CDH20: variants seen among roughly 807,000 people sequenced by gnomAD.
The protein encoded by CDH20 is cadherin-20.
A neutral mutation model predicts 74.2 loss-of-function variants in CDH20; 29 were observed. That is an observed-to-expected ratio of 0.39 (90% CI 0.29 to 0.53). The LOEUF (loss-of-function observed/expected upper bound fraction) is 0.53. Ranked by LOEUF, CDH20 falls within the 20% of genes least tolerant of loss-of-function variation. The probability of loss-of-function intolerance (pLI) is 0.69; values close to 1 mark genes in which losing one functional copy is unlikely to be tolerated. For missense variants in CDH20, 988 were observed against 1,048.3 expected (o/e 0.94, Z 0.79); for synonymous variants, 469 against 405.4 (o/e 1.16, Z -1.88).
chr18:61,349,848 G>A (rs1053636509), intron 1 of CDH20, among the ~76,000 whole-genome samples: 1 of 151,766 alleles, frequency 6.6e-6, no homozygotes, highest in Non-Finnish European at 1.5e-5. Flanking sequence ...CATGTAATTC[G>A]GCTTATATTT....
intron 1 of CDH20, among the ~76,000 whole-genome samples, chr18:61,428,454 A>G (rs560304276): frequency 2.0e-5 from 3 of 152,294 alleles, no homozygotes; most frequent in Admixed American, 1.3e-4. Context: ...CGGCTCCTGC[A>G]GTGCAAAAGC....
intron 1 of CDH20, among the ~76,000 whole-genome samples, chr18:61,357,735 T>C (rs1055308849): frequency 6.6e-6 from 1 of 151,862 alleles, no homozygotes; most frequent in Non-Finnish European, 1.5e-5. Context: ...CAAAATCAAC[T>C]GTTTGTTTTT....
At chr18:61,463,035 G>C (rs1365382213) in intron 1 of CDH20, among the ~76,000 whole-genome samples, 1 of 152,154 alleles carries the variant, frequency 6.6e-6, no homozygotes, top group African/African-American at 2.4e-5. Flanking sequence ...TCTTGTTATT[G>C]CAATTGTGTG....
At chr18:61,459,684 C>G (rs1407274799) in intron 1 of CDH20, among the ~76,000 whole-genome samples, 1 of 152,166 alleles carries the variant, frequency 6.6e-6, no homozygotes, top group African/African-American at 2.4e-5. Flanking sequence ...TCAGAAAAAT[C>G]TGCAGGCTGA....
At position 61,399,067 on chromosome 18, in the gene CDH20, T is replaced by C. The variant is rs1171978957; in HGVS notation, c.-153+65240T>C. ...CTGTTCATACAGTACATTTGAAGTT[T>C]AGTCAAGGCATGGAAAATATGAAAC... On this transcript the variant is annotated intron_variant, in intron 1 of 11. Transcript: ENST00000262717. Among the ~76,000 whole-genome samples the C allele has an allele frequency of 4.6e-5, 7 of 152,336 alleles. No homozygotes were observed. The East Asian group carries it at 1.4e-3, about 29-fold the overall frequency.
intron 1 of CDH20, among the ~76,000 whole-genome samples, chr18:61,397,933 G>A (rs185360389): frequency 1.1e-4 from 17 of 152,282 alleles, no homozygotes; most frequent in African/African-American, 2.6e-4. Context: ...TGCAGAAAAC[G>A]TTTTTGTTGA....
chr18:61,401,407 T>C (rs1327843267), intron 1 of CDH20, among the ~76,000 whole-genome samples: 2 of 152,204 alleles, frequency 1.3e-5, no homozygotes, highest in East Asian at 3.9e-4. Context: ...TTTGTTGTTG[T>C]TGCTGTTGTT....
intron 1 of CDH20, among the ~76,000 whole-genome samples, chr18:61,343,199 AC>A: frequency 6.6e-6 from 1 of 152,174 alleles, no homozygotes; most frequent in East Asian, 1.9e-4. Context: ...TGGTTACCCT[AC>A]TGCAGGTTCC....
chr18:61,374,679 A>G (rs1444456794), intron 1 of CDH20, among the ~76,000 whole-genome samples: 1 of 152,068 alleles, frequency 6.6e-6, no homozygotes, highest in African/African-American at 2.4e-5. Flanking sequence ...CAGAGTTTTT[A>G]GATTCTTATG....
At chr18:61,526,462 A>G (rs1360431281) in intron 6 of CDH20, among the ~76,000 whole-genome samples, 2 of 152,278 alleles carry the variant, frequency 1.3e-5, no homozygotes, top group Non-Finnish European at 1.5e-5. Context: ...TTTATGAAAA[A>G]AGTGATGTTT....
At chr18:61,439,487 T>C (rs1056295428) in intron 1 of CDH20, among the ~76,000 whole-genome samples, 7 of 152,168 alleles carry the variant, frequency 4.6e-5, no homozygotes, top group Non-Finnish European at 1.0e-4. Flanking sequence ...AAGATTCCAA[T>C]ATACCATAAA....
chr18:61,429,889 T>C (rs1358467444), intron 1 of CDH20, among the ~76,000 whole-genome samples: 4 of 152,210 alleles, frequency 2.6e-5, no homozygotes, highest in Admixed American at 2.0e-4. Flanking sequence ...TATGTTCCTT[T>C]GTAGTGGGTA....
intron 1 of CDH20, among the ~76,000 whole-genome samples, chr18:61,368,046 A>G (rs1026884036): frequency 6.6e-6 from 1 of 152,168 alleles, no homozygotes; most frequent in African/African-American, 2.4e-5. Flanking sequence ...AAATAAGGTC[A>G]CACTCTGAAG....
chr18:61,517,029 T>C (rs1295787041), intron 6 of CDH20, among the ~76,000 whole-genome samples: 1 of 152,162 alleles, frequency 6.6e-6, no homozygotes, highest in Non-Finnish European at 1.5e-5. Flanking sequence ...TTTCAACAGA[T>C]GCTGGAACAA....
rs1568163889 is a variant in CDH20, at chr18:61,496,080, C to CTCTCTCCTCCCTTCCTCTCTCCT, written c.247-3086_247-3064dup. ...CCTCTCTCCTCCCTTCCTCTCCCCCCTCTCTCCTCCCTTCCTCTCTCCTTC... is the reference window on the plus strand; with the variant it reads ...CCTCTCTCCTCCCTTCCTCTCCCCCCTCTCTCCTCCCTTCCTCTCTCCTTCTCTCCTCCCTTCCTCTCTCCTTC... On this transcript the variant is annotated intron_variant, in intron 2 of 11. Transcript: ENST00000262717. 7.8e-3 allele frequency among the ~76,000 whole-genome samples: 98 copies of CTCTCTCCTCCCTTCCTCTCTCCT among 12,570 alleles called. 4 individuals are homozygous for CTCTCTCCTCCCTTCCTCTCTCCT. Among genetic ancestry groups the CTCTCTCCTCCCTTCCTCTCTCCT allele is most frequent in the Non-Finnish European group, 0.014 (69 of 5,046 alleles). The allele number at this position is 12,570 out of a possible 152,430, so 8.2% of individuals were successfully genotyped here. A position where few individuals can be genotyped will look rare whatever the true frequency, so the allele number is the denominator to read the frequency against.
At chr18:61,465,017 C>A (rs1164074086) in intron 1 of CDH20, among the ~76,000 whole-genome samples, 1 of 152,238 alleles carries the variant, frequency 6.6e-6, no homozygotes, top group African/African-American at 2.4e-5. Context: ...ACACTATCCA[C>A]AAATGGAATC....
intron 1 of CDH20, among the ~76,000 whole-genome samples, chr18:61,362,456 C>T (rs1054957721): frequency 2.6e-5 from 4 of 152,090 alleles, no homozygotes; most frequent in African/African-American, 9.7e-5. Context: ...CCGTGATGCA[C>T]CAAGGGCTCT....
rs1304974556 is a variant in CDH20, at chr18:61,353,591, A to C, written c.-153+19764A>C. On this transcript the variant is annotated intron_variant, in intron 1 of 11. Coordinates refer to ENST00000262717, the MANE Select transcript of CDH20 (RefSeq NM_031891.4). The surrounding 1 kb of genome is among the most constrained non-coding windows in gnomAD (Gnocchi z 4.6). ...TATCACAGTGCTTTGCACATATTTT[A>C]GTGTTTGTTAAGATTTTGTTCAGTT... 1.3e-5 allele frequency among the ~76,000 whole-genome samples: 2 copies of C among 152,146 alleles called. No individual in the cohort carries two copies. Among genetic ancestry groups the C allele is most frequent in the Non-Finnish European group, 2.9e-5 (2 of 68,028 alleles).
At chr18:61,504,265 T>C (rs996757540) in intron 5 of CDH20, among the ~76,000 whole-genome samples, 1 of 152,044 alleles carries the variant, frequency 6.6e-6, no homozygotes, top group African/African-American at 2.4e-5. Context: ...TTTAGAGTGG[T>C]CCAGACTTGA....
Sources: gnomAD v4.1 joint callset for allele counts (sites outside exome capture counted in the v4.1 genomes callset) on GRCh38, gnomAD v4.1.1 for gene constraint, Gnocchi (gnomAD v3.1) non-coding constraint, MANE v1.5 for transcripts, NCBI Gene and HGNC (gene_info 2026-07-23, HGNC 2026-07-21) for gene names.